Variants in PRKCA observed in about 807,000 individuals in gnomAD.
PRKCA encodes protein kinase C alpha, also known as protein kinase C alpha type.
Under a neutral mutation model 87.0 loss-of-function variants are expected in PRKCA, and 27 were observed. The observed-to-expected ratio is 0.31, with a 90% CI of 0.23 to 0.43. The LOEUF (loss-of-function observed/expected upper bound fraction) is 0.43. PRKCA is among the 20% of genes least tolerant of loss of function. PRKCA has a pLI of 1.00. For missense variants in PRKCA, 518 were observed against 852.3 expected (o/e 0.61, Z 4.88); for synonymous variants, 329 against 311.1 (o/e 1.06, Z -0.61).
Position 66,670,564 on chromosome 17 carries a change from A to C in PRKCA, c.530-16547A>C, listed in dbSNP as rs553706947. 1.8e-4 allele frequency among the ~76,000 whole-genome samples: 27 copies of C among 152,296 alleles called. No individual in the cohort carries two copies. In the South Asian group the frequency reaches 5.6e-3, roughly 32 times the overall value. ...GATAGTCAGCAGTAGAATTTAAACA[A>C]CATTTTAAAAATTTTGGCCGGGCAT... On this transcript the variant is annotated intron_variant, in intron 5 of 16. Transcript: ENST00000413366.
At chr17:66,522,480 G>A (rs1967194350) in intron 3 of PRKCA, among the ~76,000 whole-genome samples, 2 of 152,132 alleles carry the variant, frequency 1.3e-5, no homozygotes, top group South Asian at 4.2e-4. Flanking sequence ...CACCTTGAGC[G>A]AAGTGAAATG....
chr17:66,742,185 A>G (rs1193667892), intron 12 of PRKCA, among the ~76,000 whole-genome samples: 1 of 152,274 alleles, frequency 6.6e-6, no homozygotes, highest in Admixed American at 6.5e-5. Context: ...AAGCATAATT[A>G]GAAGGATATA....
intron 3 of PRKCA, among the ~76,000 whole-genome samples, chr17:66,555,348 C>T (rs1442711206): frequency 1.3e-5 from 2 of 152,212 alleles, no homozygotes; most frequent in Non-Finnish European, 2.9e-5. Context: ...CATGTGGCTT[C>T]TTTTATGGAA....
intron 13 of PRKCA, among the ~76,000 whole-genome samples, chr17:66,759,851 T>TA (rs1974642127): frequency 6.6e-6 from 1 of 152,220 alleles, no homozygotes; most frequent in Non-Finnish European, 1.5e-5. Flanking sequence ...TACATAATGA[T>TA]AAAGGGGTCA....
chr17:66,489,423 C>T (rs759755620), intron 2 of PRKCA, among the ~76,000 whole-genome samples: 7 of 130,446 alleles, frequency 5.4e-5, no homozygotes, highest in African/African-American at 1.4e-4. Flanking sequence ...TATAGCAATC[C>T]GTGTTAGATG....
chr17:66,479,786 T>C (rs991488586), intron 2 of PRKCA, among the ~76,000 whole-genome samples: 8 of 152,164 alleles, frequency 5.3e-5, no homozygotes, highest in Admixed American at 4.6e-4. Context: ...TTCTCACTTA[T>C]AAGTGACAGC....
chr17:66,731,570 G>T (rs1260130314), intron 8 of PRKCA, among the ~76,000 whole-genome samples: 1 of 151,940 alleles, frequency 6.6e-6, no homozygotes, highest in East Asian at 2.0e-4. Context: ...CTCCTTCGGT[G>T]ACAGTGAGAC....
intron 2 of PRKCA, among the ~76,000 whole-genome samples, chr17:66,390,815 A>G (rs1567804613): frequency 1.3e-5 from 2 of 152,190 alleles, no homozygotes; most frequent in Non-Finnish European, 2.9e-5. Context: ...GTTGGCAAAC[A>G]GCTCCACCAC....
intron 3 of PRKCA, among the ~76,000 whole-genome samples, chr17:66,609,161 C>T (rs575078139): frequency 8.3e-4 from 127 of 152,264 alleles, no homozygotes; most frequent in Middle Eastern, 6.8e-3. Flanking sequence ...TTGTATGATT[C>T]ACTTACTTTT....
intron 2 of PRKCA, among the ~76,000 whole-genome samples, chr17:66,356,675 C>A (rs1908077669): frequency 6.6e-6 from 1 of 152,162 alleles, no homozygotes; most frequent in Non-Finnish European, 1.5e-5. Context: ...AGATGGATAT[C>A]TAAAAGTGAA....
At chr17:66,683,261 A>G (rs1045484387) in intron 5 of PRKCA, among the ~76,000 whole-genome samples, 3 of 152,224 alleles carry the variant, frequency 2.0e-5, no homozygotes, top group Admixed American at 2.0e-4. Context: ...TTTTTAAATG[A>G]TGGATATTAA....
intron 3 of PRKCA, among the ~76,000 whole-genome samples, chr17:66,524,199 T>G (rs1304164282): frequency 2.6e-5 from 4 of 152,184 alleles, no homozygotes; most frequent in African/African-American, 7.2e-5. Flanking sequence ...TTCCCAAAAC[T>G]TACTGTGTGC....
Position 66,641,344 on chromosome 17 carries a change from T to G in PRKCA, c.289-11T>G. 6.2e-7 allele frequency: 1 copy of G among 1,601,102 alleles called. No individual in the cohort carries two copies. Among genetic ancestry groups the G allele is most frequent in the Non-Finnish European group, 8.5e-7 (1 of 1,170,086 alleles). On this transcript the variant is annotated splice_polypyrimidine_tract_variant and intron_variant, in intron 3 of 16. Transcript: ENST00000413366. Reference sequence around the variant, plus strand: ...TGACTAAAATGAGCATTGTGCTTCTTCTCCTCCCAGGACCCCAGGAGCAAG... The same window carrying G: ...TGACTAAAATGAGCATTGTGCTTCTGCTCCTCCCAGGACCCCAGGAGCAAG...
chr17:66,725,229 A>G (rs1053321976), intron 8 of PRKCA, among the ~76,000 whole-genome samples: 1 of 152,086 alleles, frequency 6.6e-6, no homozygotes, highest in Non-Finnish European at 1.5e-5. Flanking sequence ...GAAGGTGCAA[A>G]TGCATGGAGT....
At chr17:66,338,049 G>T (rs1321497532) in intron 2 of PRKCA, among the ~76,000 whole-genome samples, 4 of 137,786 alleles carry the variant, frequency 2.9e-5, no homozygotes, top group African/African-American at 5.5e-5. Context: ...GATTTTTTGT[G>T]GTTGGAGAGG....
intron 2 of PRKCA, among the ~76,000 whole-genome samples, chr17:66,306,735 C>T (rs1029786832): frequency 2.0e-5 from 3 of 152,074 alleles, no homozygotes; most frequent in African/African-American, 7.2e-5. Context: ...TTTGCTTCAC[C>T]CTCTGATCTG....
chr17:66,511,049 A>G (rs751879244), intron 3 of PRKCA, among the ~76,000 whole-genome samples: 15 of 149,140 alleles, frequency 1.0e-4, no homozygotes, highest in Non-Finnish European at 1.9e-4. Flanking sequence ...CTGCTTTACA[A>G]TAGGTGAGGC....
intron 13 of PRKCA, among the ~76,000 whole-genome samples, chr17:66,757,589 AAC>A (rs1235642859): frequency 2.0e-5 from 3 of 148,116 alleles, no homozygotes; most frequent in South Asian, 2.2e-4. Flanking sequence ...AAAAAAAAAA[AAC>A]GAACCTAGAA....
chr17:66,426,405 T>G (rs777545624), intron 2 of PRKCA, among the ~76,000 whole-genome samples: 6 of 152,178 alleles, frequency 3.9e-5, no homozygotes, highest in Non-Finnish European at 8.8e-5. Context: ...GCCTGTGTTG[T>G]GCAAAGTGAT....
Sources: allele counts gnomAD v4.1 joint callset (sites outside exome capture counted in the v4.1 genomes callset), GRCh38; gene constraint gnomAD v4.1.1; transcripts MANE v1.5; gene names NCBI Gene and HGNC (gene_info 2026-07-23, HGNC 2026-07-21).